The following NRXN3 variants were observed in gnomAD, a reference collection of about 807,000 sequenced individuals.
NRXN3 encodes neurexin 3, also known as neurexin III.
Under a neutral mutation model 137.6 loss-of-function variants are expected in NRXN3, and 32 were observed. The ratio of observed to expected loss-of-function variants is 0.23; its 90% CI spans 0.18 to 0.31. The LOEUF (loss-of-function observed/expected upper bound fraction) is 0.31. Among genes scored for constraint, NRXN3 ranks in the 10% least tolerant of loss-of-function variants. The pLI, the probability that NRXN3 is intolerant of heterozygous loss-of-function variation, is 1.00. For missense variants in NRXN3, 1,574 were observed against 2,062.5 expected (o/e 0.76, Z 4.59); for synonymous variants, 798 against 784.5 (o/e 1.02, Z -0.29).
intron 4 of NRXN3, among the ~76,000 whole-genome samples, chr14:78,365,870 T>C (rs2153611537): frequency 6.6e-6 from 1 of 152,326 alleles, no homozygotes; most frequent in East Asian, 1.9e-4. Flanking sequence ...ATCTTATGTT[T>C]GAGAGGGTAC....
At chr14:78,975,024 T>A (rs1001984679) in intron 14 of NRXN3, among the ~76,000 whole-genome samples, 1 of 152,196 alleles carries the variant, frequency 6.6e-6, no homozygotes, top group Admixed American at 6.5e-5. Flanking sequence ...TATTTAAAAA[T>A]TTTTAACTTC....
intron 15 of NRXN3, among the ~76,000 whole-genome samples, chr14:79,070,311 C>T (rs2099686040): frequency 6.6e-6 from 1 of 152,070 alleles, no homozygotes; most frequent in East Asian, 1.9e-4. Flanking sequence ...TCTCTCCATT[C>T]CCCCAAAGGA....
intron 16 of NRXN3, among the ~76,000 whole-genome samples, chr14:79,487,146 A>G (rs1426100450): frequency 6.6e-6 from 1 of 152,108 alleles, no homozygotes; most frequent in Non-Finnish European, 1.5e-5. Context: ...GAAATTGGGG[A>G]TAAAAAAGTT....
intron 19 of NRXN3, among the ~76,000 whole-genome samples, chr14:79,791,510 TATAATTAATTATATATTATAATA>T (rs1314274322): frequency 8.3e-6 from 1 of 120,054 alleles, no homozygotes; most frequent in Non-Finnish European, 1.7e-5. Flanking sequence ...ATATTGTAAT[TATAATTAATTATATATTATAATA>T]ATTATAATTA....
intron 15 of NRXN3, among the ~76,000 whole-genome samples, chr14:79,030,049 C>CTT (rs779570219): frequency 1.8e-4 from 23 of 128,060 alleles, no homozygotes; most frequent in African/African-American, 6.0e-4. Flanking sequence ...TTCTTTCTTT[C>CTT]TTTTTTTTTT....
rs575013473 is a variant in NRXN3 at position 79,492,126 on chromosome 14, A to G, written c.3444+24724A>G. ...TGTTAAATTTGCTTGGCCAACTCAG[A>G]ATGAATATCCAGATTTCTCAACTCT... is the stretch of plus-strand genomic sequence containing the variant. On this transcript the variant is annotated intron_variant, in intron 16 of 20. Transcript: ENST00000335750. 8.6e-3 allele frequency among the ~76,000 whole-genome samples: 1,306 copies of G among 152,338 alleles called. 9 individuals carry two copies. The highest frequency in any genetic ancestry group is 0.034 in the Middle Eastern group (10 of 294).
At chr14:79,858,552 G>A (rs1241219922) in intron 20 of NRXN3, among the ~76,000 whole-genome samples, 1 of 151,920 alleles carries the variant, frequency 6.6e-6, no homozygotes, top group Non-Finnish European at 1.5e-5. Flanking sequence ...TCTACATGGG[G>A]TAGATTTGTC....
intron 4 of NRXN3, among the ~76,000 whole-genome samples, chr14:78,355,806 C>G (rs541086287): frequency 1.1e-3 from 168 of 152,308 alleles, no homozygotes; most frequent in African/African-American, 3.9e-3. Flanking sequence ...CGTCATTTAT[C>G]AATCTTTAAT....
chr14:78,473,849 A>C (rs1384661974), intron 4 of NRXN3, among the ~76,000 whole-genome samples: 1 of 152,186 alleles, frequency 6.6e-6, no homozygotes, highest in Non-Finnish European at 1.5e-5. Context: ...GGACTTCTGC[A>C]AAGGGCTGCT....
At chr14:79,047,698 A>C (rs867617868) in intron 15 of NRXN3, among the ~76,000 whole-genome samples, 2 of 152,208 alleles carry the variant, frequency 1.3e-5, no homozygotes, top group African/African-American at 2.4e-5. Flanking sequence ...CATCTTTAGT[A>C]ATCAAGAAAT....
At chr14:79,854,281 A>G (rs772854231) in intron 20 of NRXN3, 1 of 369,096 alleles carries the variant, frequency 2.7e-6, no homozygotes, top group Non-Finnish European at 3.7e-6. Context: ...CTATATGGAA[A>G]TGATTTCTTT....
intron 15 of NRXN3, among the ~76,000 whole-genome samples, chr14:79,188,345 A>G (rs2063785715): frequency 6.6e-6 from 1 of 151,466 alleles, no homozygotes; most frequent in Admixed American, 6.6e-5. Flanking sequence ...AAAATAGGCA[A>G]TTTTCAAGAA....
At chr14:79,098,582 C>A (rs2050744767) in intron 15 of NRXN3, among the ~76,000 whole-genome samples, 1 of 152,176 alleles carries the variant, frequency 6.6e-6, no homozygotes, top group African/African-American at 2.4e-5. Flanking sequence ...TAGATCCTTT[C>A]TCTAATTTAA....
At chr14:78,844,899 G>A (rs2099022261) in intron 10 of NRXN3, among the ~76,000 whole-genome samples, 1 of 152,026 alleles carries the variant, frequency 6.6e-6, no homozygotes, top group African/African-American at 2.4e-5. Flanking sequence ...ACCATTATTT[G>A]TTGGCCATGC....
At chr14:79,282,067 C>CT (rs2081360892) in intron 15 of NRXN3, among the ~76,000 whole-genome samples, 1 of 152,010 alleles carries the variant, frequency 6.6e-6, no homozygotes, top group Non-Finnish European at 1.5e-5. Context: ...TCTGGTGGCT[C>CT]TTTTCTCTGT....
At chr14:78,652,278 G>GA (rs1185457828) in intron 6 of NRXN3, among the ~76,000 whole-genome samples, 1 of 152,136 alleles carries the variant, frequency 6.6e-6, no homozygotes, top group Non-Finnish European at 1.5e-5. Flanking sequence ...TAGTAGCTGT[G>GA]AAAAAACAGT....
chr14:79,741,555 G>A (rs1456996687), intron 19 of NRXN3, among the ~76,000 whole-genome samples: 1 of 151,922 alleles, frequency 6.6e-6, no homozygotes, highest in Non-Finnish European at 1.5e-5. Flanking sequence ...CATGATCTTG[G>A]CTTACTGCAA....
intron 1 of NRXN3, among the ~76,000 whole-genome samples, chr14:78,214,957 T>A (rs1000123475): frequency 6.6e-6 from 1 of 152,224 alleles, no homozygotes; most frequent in African/African-American, 2.4e-5. Context: ...GAATAAACCA[T>A]TAACCTGTAG....
At chr14:79,839,147 T>C (rs1229515916) in intron 20 of NRXN3, among the ~76,000 whole-genome samples, 1 of 151,968 alleles carries the variant, frequency 6.6e-6, no homozygotes, top group African/African-American at 2.4e-5. Flanking sequence ...TTTCTTATGC[T>C]GGATCAGGTA....
Sources: gnomAD v4.1 joint callset for allele counts (sites outside exome capture counted in the v4.1 genomes callset) on GRCh38, gnomAD v4.1.1 for gene constraint, MANE v1.5 for transcripts, NCBI Gene and HGNC (gene_info 2026-07-23, HGNC 2026-07-21) for gene names.